Variants in PRDM15 observed in about 807,000 individuals in gnomAD.
PRDM15 encodes the protein PR/SET domain 15, also known as PR domain zinc finger protein 15.
A neutral mutation model predicts 128.6 loss-of-function variants in PRDM15; 64 were observed. That is an observed-to-expected ratio of 0.50 (90% CI 0.41 to 0.61). The LOEUF (loss-of-function observed/expected upper bound fraction) is 0.61. Ranked by LOEUF, PRDM15 falls within the 20% of genes least tolerant of loss-of-function variation. PRDM15 has a pLI of 0.00. For synonymous variants in PRDM15, 615 were observed against 621.8 expected, an observed-to-expected ratio of 0.99 and a Z score of 0.16; for missense variants, 1,242 against 1,569.1, an observed-to-expected ratio of 0.79 and a Z score of 3.52.
At chr21:41,807,232 T>A (rs2061708901) in intron 21 of PRDM15, among the ~76,000 whole-genome samples, 1 of 152,262 alleles carries the variant, frequency 6.6e-6, no homozygotes. Context: ...TTGTTTTTAA[T>A]GTAACATTCA....
At chr21:41,819,433 C>T in intron 18 of PRDM15, 149 bp downstream of exon 18, 1 of 1,015,506 alleles carries the variant, frequency 9.8e-7, no homozygotes, top group Non-Finnish European at 1.4e-6. Flanking sequence ...CTGTACCCAC[C>T]TTTCCCACAC....
chr21:41,874,525 A>ATATATATATATATATTTTTTTTTTT, intron 1 of PRDM15, among the ~76,000 whole-genome samples: 1 of 95,828 alleles, frequency 1.0e-5, no homozygotes, highest in Non-Finnish European at 2.0e-5. Context: ...ATATATATAT[A>ATATATATATATATATTTTTTTTTTT]TTTTTTTTTT....
chr21:41,859,492 T>C lies in PRDM15; in HGVS notation c.131+100A>G. On this transcript the variant is annotated intron_variant, in intron 3 of 23. Transcript: ENST00000398548. The surrounding 1 kb of genome is among the most constrained non-coding windows in gnomAD (Gnocchi z 5.3). The stretch of plus-strand genomic sequence containing the variant: ...GCTCTCACTCAGAGTGCCTCTGTTC[T>C]CCCTCAGGCTCCTTCCTCCCCGTCT... 1.1e-6 allele frequency: 1 copy of C among 937,374 alleles called. No homozygotes were observed. Among genetic ancestry groups the C allele is most frequent in the Non-Finnish European group, 1.6e-6 (1 of 613,880 alleles). The allele number at this position is 937,374 out of a possible 1,614,324, so 58.1% of individuals were successfully genotyped here. A position where few individuals can be genotyped will look rare whatever the true frequency, so the allele number is the denominator to read the frequency against.
rs548048356 is a variant in PRDM15, at chr21:41,877,636, T to C, written c.-10+1634A>G. On this transcript the variant is annotated intron_variant, in intron 1 of 23. Coordinates refer to ENST00000398548, the MANE Select transcript of PRDM15 (RefSeq NM_001040424.3). ...GTTCTTTCCTGGCCTTCTGTACAGA[T>C]AATGACATCGAAAATGATATGAGAG... 1.5e-3 allele frequency: 228 copies of C among 152,350 alleles called. 2 individuals carry two copies. Among genetic ancestry groups the C allele is most frequent in the African/African-American group, 5.2e-3 (218 of 41,586 alleles). 9.4% of individuals were successfully genotyped at this position (152,350 alleles called of 1,614,324 possible).
Position 41,833,557 on chromosome 21 carries a change from TA to T in PRDM15, c.1366+1879del, listed in dbSNP as rs1233391107. 3.3e-5 allele frequency among the ~76,000 whole-genome samples: 5 copies of T among 152,360 alleles called. No homozygotes were observed. The South Asian group carries it at 1.0e-3, about 32-fold the overall frequency. On this transcript the variant is annotated intron_variant, in intron 11 of 23. Transcript: ENST00000398548. ...ATTCTCTTAACTTCAATACTATAAA[TA>T]AGTATAAGAGCATGCAAATCATATA...
rs930123663 is a variant in PRDM15 at position 41,810,382 on chromosome 21, G to A, written c.2477-53C>T. On this transcript the variant is annotated intron_variant, in intron 20 of 23. Coordinates refer to ENST00000398548, the MANE Select transcript of PRDM15 (RefSeq NM_001040424.3). The surrounding 1 kb of genome is among the most constrained non-coding windows in gnomAD (Gnocchi z 6.4). ...CGCGTGGAAAGGAAGAGACACGCAG[G>A]TCACTAGTGCAGCCATCCCAATGAC... 2.6e-6 allele frequency: 4 copies of A among 1,560,420 alleles called. No homozygotes were observed. The highest frequency in any genetic ancestry group is 3.5e-6 in the Non-Finnish European group (4 of 1,147,854).
chr21:41,869,494 T>TG (rs1368897835), intron 1 of PRDM15, among the ~76,000 whole-genome samples: 1 of 151,078 alleles, frequency 6.6e-6, no homozygotes, highest in Non-Finnish European at 1.5e-5. Flanking sequence ...TTGCCCAGGC[T>TG]GGGGTCCAAT....
chr21:41,871,684 C>A (rs1170045452), intron 1 of PRDM15: 2 of 1,529,124 alleles, frequency 1.3e-6, no homozygotes, highest in East Asian at 2.3e-5. Context: ...CTCCACGTGT[C>A]TTGAAACATG....
intron 5 of PRDM15, among the ~76,000 whole-genome samples, chr21:41,850,287 C>T (rs1303136635): frequency 1.4e-5 from 2 of 146,862 alleles, no homozygotes; most frequent in Admixed American, 6.9e-5. Context: ...TGGTGCCCCC[C>T]CACACTTTCC....
In PRDM15 at chr21:41,859,338, G is replaced by C; in HGVS notation, c.131+254C>G. The stretch of plus-strand genomic sequence containing the variant: ...TTCTGCAGCCTCCACACACTGTGTC[G>C]GGAACAGCTGGGCTCCAGCTAAGAA... On this transcript the variant is annotated intron_variant, in intron 3 of 23. Coordinates refer to ENST00000398548, the MANE Select transcript of PRDM15 (RefSeq NM_001040424.3). This position sits in a 1 kb window ranked among gnomAD's most constrained non-coding sequence, Gnocchi z 5.3. 1.0e-6 allele frequency: 1 copy of C among 991,794 alleles called. No individual in the cohort carries two copies. Among genetic ancestry groups the C allele is most frequent in the South Asian group, 1.6e-5 (1 of 64,434 alleles). The allele number at this position is 991,794 out of a possible 1,614,324, so 61.4% of individuals were successfully genotyped here. A position where few individuals can be genotyped will look rare whatever the true frequency, so the allele number is the denominator to read the frequency against.
intron 13 of PRDM15, among the ~76,000 whole-genome samples, chr21:41,823,946 C>A (rs946793214): frequency 3.3e-5 from 5 of 152,222 alleles, no homozygotes; most frequent in African/African-American, 7.2e-5. Context: ...CAATACGCAT[C>A]CAAGGGGGTC....
intron 6 of PRDM15, among the ~76,000 whole-genome samples, chr21:41,840,442 C>CAAAAAA (rs35052917): frequency 1.1e-5 from 1 of 91,150 alleles, no homozygotes; most frequent in Non-Finnish European, 2.2e-5. Context: ...AAGACTGTCT[C>CAAAAAA]AAAAAAAAAA....
Position 41,857,224 on chromosome 21 carries a change from C to T in PRDM15, c.237G>A (p.Glu79=), listed in dbSNP as rs2063662608. 6.2e-7 allele frequency: 1 copy of T among 1,613,840 alleles called. No individual in the cohort carries two copies. Among genetic ancestry groups the T allele is most frequent in the East Asian group, 2.2e-5 (1 of 44,884 alleles). Residue 79 remains glutamate, a synonymous_variant, in exon 4 of 24, where the codon GAG becomes GAA. Coordinates refer to ENST00000398548, the MANE Select transcript of PRDM15 (RefSeq NM_001040424.3). ...LVKRTQFGPF[E]SRRVAKWEKE... is the part of the protein sequence containing the mutation. ...TTTCCCATTTGGCGACCCTCCTGGACTCAAAGGGACCGAACTGTGTCCGCT... is the reference window on the plus strand; with the variant it reads ...TTTCCCATTTGGCGACCCTCCTGGATTCAAAGGGACCGAACTGTGTCCGCT...
At chr21:41,806,397 C>T (rs866998546) in intron 21 of PRDM15, among the ~76,000 whole-genome samples, 7 of 36,716 alleles carry the variant, frequency 1.9e-4, no homozygotes, top group Non-Finnish European at 1.9e-4. Flanking sequence ...ACCACCATCA[C>T]CACCACCACC....
intron 8 of PRDM15, chr21:41,836,900 C>T (rs186307969): frequency 6.2e-5 from 19 of 305,294 alleles, no homozygotes; most frequent in African/African-American, 3.4e-4. Context: ...ACTCTGGCCA[C>T]CAGAAAGCCT....
intron 1 of PRDM15, chr21:41,871,446 G>A (rs750599143): frequency 6.7e-7 from 1 of 1,488,976 alleles, no homozygotes; most frequent in South Asian, 1.3e-5. Context: ...GCCACAGGCT[G>A]TCCCTGTCTG....
At chr21:41,825,901 TAACTG>T in intron 13 of PRDM15, 54 bp downstream of exon 13, 1 of 1,308,284 alleles carries the variant, frequency 7.6e-7, no homozygotes, top group Non-Finnish European at 1.1e-6. Context: ...CATAGAGTCT[TAACTG>T]AAGAAAATGA....
chr21:41,866,219 A>C (rs2064002902), intron 1 of PRDM15, among the ~76,000 whole-genome samples: 1 of 152,260 alleles, frequency 6.6e-6, no homozygotes, highest in South Asian at 2.1e-4. Context: ...GAAAGTTCCA[A>C]ATGTTTCATT....
At chr21:41,843,950 T>TAAAAAAAAA (rs1555883669) in intron 6 of PRDM15, among the ~76,000 whole-genome samples, 3 of 123,270 alleles carry the variant, frequency 2.4e-5, no homozygotes, top group South Asian at 2.7e-4. Context: ...CCTTGTATTG[T>TAAAAAAAAA]AAAAAAAAAA....
Sources: gnomAD v4.1 joint callset for allele counts (sites outside exome capture counted in the v4.1 genomes callset) on GRCh38, gnomAD v4.1.1 for gene constraint, Gnocchi (gnomAD v3.1) non-coding constraint, MANE v1.5 for transcripts, NCBI Gene and HGNC (gene_info 2026-07-23, HGNC 2026-07-21) for gene names.